KIAA2012: variants seen among roughly 807,000 people sequenced by gnomAD.
The protein encoded by KIAA2012 is KIAA2012.
A neutral mutation model predicts 150.6 loss-of-function variants in KIAA2012; 125 were observed. That is an observed-to-expected ratio of 0.83 (90% CI 0.72 to 0.96). The LOEUF is 0.96. KIAA2012 is among the 40% of genes least tolerant of loss of function. The pLI, the probability that KIAA2012 is intolerant of heterozygous loss-of-function variation, is 0.00. For missense variants in KIAA2012, 1,219 were observed against 1,354.9 expected, an observed-to-expected ratio of 0.90 and a Z score of 1.57; for synonymous variants, 462 against 504.7, an observed-to-expected ratio of 0.92 and a Z score of 1.13.
intron 15 of KIAA2012, among the ~76,000 whole-genome samples, chr2:202,166,775 A>G (rs1483659077): frequency 6.6e-6 from 1 of 152,196 alleles, no homozygotes; most frequent in Non-Finnish European, 1.5e-5. Context: ...GTTAATTATA[A>G]GCAGTGAACC....
At chr2:202,091,706 T>G (rs546349868) in intron 3 of KIAA2012, among the ~76,000 whole-genome samples, 1 of 152,260 alleles carries the variant, frequency 6.6e-6, no homozygotes, top group East Asian at 1.9e-4. Flanking sequence ...TAACTGGACA[T>G]CCTGTATTTT....
intron 10 of KIAA2012, among the ~76,000 whole-genome samples, chr2:202,111,245 C>A (rs1690341669): frequency 3.3e-5 from 5 of 151,314 alleles, no homozygotes; most frequent in Admixed American, 3.3e-4. Flanking sequence ...GCCTATAATA[C>A]CAGCACTTTG....
At position 202,125,217 on chromosome 2, in the gene KIAA2012, A is replaced by G. The variant is rs559941603; in HGVS notation, c.1766A>G (p.Tyr589Cys). The G allele has an allele frequency of 3.9e-6, 6 of 1,549,646 alleles. No individual in the cohort carries two copies. The highest frequency in any genetic ancestry group is 2.0e-5 in the Admixed American group (1 of 50,986). Residue 589 changes from tyrosine to cysteine, a missense_variant, in exon 12 of 24, where the codon TAT becomes TGT. Coordinates refer to ENST00000498697, the MANE Select transcript of KIAA2012 (RefSeq NM_001277372.4). ...QTEALPSGKA[Y>C]ESVNSNISHE... ...AAAATATCTTACTGTTTTTCAGCCT[A>G]TGAATCTGTCAATTCAAATATCAGC...
At chr2:202,153,405 A>G (rs1267320596) in intron 13 of KIAA2012, among the ~76,000 whole-genome samples, 1 of 152,192 alleles carries the variant, frequency 6.6e-6, no homozygotes, top group African/African-American at 2.4e-5. Flanking sequence ...AGGGAAGGAC[A>G]CTTACAAAGG....
intron 2 of KIAA2012, among the ~76,000 whole-genome samples, chr2:202,076,285 AAG>A (rs1385891605): frequency 6.6e-6 from 1 of 152,196 alleles, no homozygotes; most frequent in African/African-American, 2.4e-5. Flanking sequence ...CATTTCCAGA[AAG>A]AGTACCCACA....
chr2:202,111,789 T>A (rs570362096), intron 10 of KIAA2012, among the ~76,000 whole-genome samples: 2 of 152,242 alleles, frequency 1.3e-5, no homozygotes, highest in African/African-American at 4.8e-5. Flanking sequence ...TGTTCATGTG[T>A]ATGGGGGTGT....
At chr2:202,088,469 G>A (rs562532486) in intron 2 of KIAA2012, among the ~76,000 whole-genome samples, 1 of 152,194 alleles carries the variant, frequency 6.6e-6, no homozygotes, top group African/African-American at 2.4e-5. Flanking sequence ...CAAGGATGGG[G>A]CAAGATCTCA....
intron 15 of KIAA2012, among the ~76,000 whole-genome samples, chr2:202,168,894 A>C (rs752371360): frequency 1.3e-5 from 2 of 152,198 alleles, no homozygotes; most frequent in Non-Finnish European, 2.9e-5. Context: ...AGCCATTTCC[A>C]TCATTTCTGT....
chr2:202,113,688 G>C, intron 11 of KIAA2012: 1 of 501,696 alleles, frequency 2.0e-6, no homozygotes, highest in Non-Finnish European at 3.6e-6. Context: ...GGAATGGCTT[G>C]GAAGAGGTCT....
chr2:202,128,238 T>C (rs1370824612), intron 12 of KIAA2012, among the ~76,000 whole-genome samples: 1 of 152,162 alleles, frequency 6.6e-6, no homozygotes. Flanking sequence ...CTGACTAGAC[T>C]TTTCTCTCCA....
intron 15 of KIAA2012, among the ~76,000 whole-genome samples, chr2:202,174,834 A>C (rs146723885): frequency 9.2e-5 from 14 of 152,334 alleles, no homozygotes; most frequent in African/African-American, 3.1e-4. Flanking sequence ...TTTAGGGTAC[A>C]TGTGCACAAT....
At chr2:202,101,215 T>C (rs939493732) in intron 7 of KIAA2012, among the ~76,000 whole-genome samples, 1 of 152,246 alleles carries the variant, frequency 6.6e-6, no homozygotes, top group Non-Finnish European at 1.5e-5. Context: ...TGTTGATTAA[T>C]TGCAGGGATT....
chr2:202,187,183 AC>A (rs1309753240), intron 17 of KIAA2012, 85 bp downstream of exon 17: 1 of 1,424,450 alleles, frequency 7.0e-7, no homozygotes, highest in African/African-American at 1.4e-5. Context: ...TAGATTGCTC[AC>A]TATATGAGGG....
chr2:202,089,016 GCTGTCTC>G (rs1689652338), intron 2 of KIAA2012, among the ~76,000 whole-genome samples: 1 of 152,186 alleles, frequency 6.6e-6, no homozygotes, highest in Non-Finnish European at 1.5e-5. Context: ...TTTCTCACAG[GCTGTCTC>G]CTTCCCACTC....
intron 21 of KIAA2012, 149 bp downstream of exon 21, chr2:202,194,511 A>G (rs1317492): frequency 2.9e-5 from 18 of 612,946 alleles, no homozygotes; most frequent in Admixed American, 2.0e-4. Flanking sequence ...GTGATTATGT[A>G]TGACTATAAT....
intron 12 of KIAA2012, among the ~76,000 whole-genome samples, chr2:202,129,891 T>C (rs1690891634): frequency 6.6e-6 from 1 of 152,178 alleles, no homozygotes; most frequent in East Asian, 1.9e-4. Context: ...ATCATTGATA[T>C]TGCAAGGCTG....
chr2:202,188,319 C>A, intron 18 of KIAA2012, 53 bp downstream of exon 18: 1 of 1,421,236 alleles, frequency 7.0e-7, no homozygotes, highest in Non-Finnish European at 9.6e-7. Context: ...TGTTAGGGGT[C>A]GGGAGGTGGT....
At position 202,093,115 on chromosome 2, in the gene KIAA2012, A is replaced by AC; in HGVS notation, c.620dup (p.Tyr209IlefsTer19). ...GGCCACAACAAGATCTTTCAGGTGT[A>AC]CCCCCAAAATACCATCTCCTGCCTG... On this transcript the variant is annotated frameshift_variant, in exon 4 of 24. Coordinates refer to ENST00000498697, the MANE Select transcript of KIAA2012 (RefSeq NM_001277372.4). LOFTEE classifies it high-confidence loss of function. The AC allele has an allele frequency of 6.4e-7, 1 of 1,551,004 alleles. No individual in the cohort carries two copies. The highest frequency in any genetic ancestry group is 1.4e-5 in the African/African-American group (1 of 73,166).
At chr2:202,141,416 G>A (rs1691194806) in intron 13 of KIAA2012, among the ~76,000 whole-genome samples, 1 of 152,128 alleles carries the variant, frequency 6.6e-6, no homozygotes, top group Non-Finnish European at 1.5e-5. Context: ...AAGGGGAAAT[G>A]TGGAGATGAA....
Sources: allele counts gnomAD v4.1 joint callset (sites outside exome capture counted in the v4.1 genomes callset), GRCh38; gene constraint gnomAD v4.1.1; transcripts MANE v1.5; gene names NCBI Gene and HGNC (gene_info 2026-07-23, HGNC 2026-07-21).